PLVAP: variants seen among roughly 807,000 people sequenced by gnomAD.
The protein encoded by PLVAP is plasmalemma vesicle-associated protein.
Under a neutral mutation model 43.1 loss-of-function variants are expected in PLVAP, and 34 were observed. The observed-to-expected ratio is 0.79, with a 90% CI of 0.60 to 1.05. PLVAP has a LOEUF of 1.05. Among genes scored for constraint, PLVAP ranks in the 50% least tolerant of loss-of-function variants. The pLI is 0.00. For synonymous variants in PLVAP, 241 were observed against 237.3 expected, an observed-to-expected ratio of 1.02 and a Z score of -0.14; for missense variants, 574 against 593.4, an observed-to-expected ratio of 0.97 and a Z score of 0.34.
chr19:17,360,460 C>A (rs2145720162), intron 5 of PLVAP, 68 bp downstream of exon 5: 1 of 1,507,692 alleles, frequency 6.6e-7, no homozygotes, highest in South Asian at 1.1e-5. Flanking sequence ...TCCCTCCACC[C>A]TCAGTCCTGG....
chr19:17,354,188 G>T (rs188074683), intron 5 of PLVAP, among the ~76,000 whole-genome samples: 15 of 152,284 alleles, frequency 9.9e-5, no homozygotes, highest in Non-Finnish European at 1.8e-4. Flanking sequence ...TACTTGGGAG[G>T]CTGAGGCATG....
At chr19:17,365,199 AG>A in intron 3 of PLVAP, 86 bp downstream of exon 3, 1 of 1,286,796 alleles carries the variant, frequency 7.8e-7, no homozygotes, top group South Asian at 1.4e-5. Flanking sequence ...CCATCCTCAA[AG>A]CCAACTCCAA....
chr19:17,359,751 G>A (rs1415428742), intron 5 of PLVAP, among the ~76,000 whole-genome samples: 1 of 144,812 alleles, frequency 6.9e-6, no homozygotes. Flanking sequence ...GGAGTGCAGT[G>A]GCATGATCTC....
intron 5 of PLVAP, among the ~76,000 whole-genome samples, chr19:17,354,490 G>A (rs1040970878): frequency 2.0e-5 from 3 of 151,328 alleles, no homozygotes; most frequent in South Asian, 4.2e-4. Context: ...CCAGCTACTC[G>A]GGAGGCTGAA....
intron 5 of PLVAP, among the ~76,000 whole-genome samples, chr19:17,352,767 C>G (rs2145715979): frequency 6.6e-6 from 1 of 152,222 alleles, no homozygotes; most frequent in African/African-American, 2.4e-5. Flanking sequence ...CCCCCAGACC[C>G]CTACACTGGT....
intron 1 of PLVAP, among the ~76,000 whole-genome samples, chr19:17,367,750 C>T (rs1395548707): frequency 6.6e-6 from 1 of 152,104 alleles, no homozygotes; most frequent in Admixed American, 6.6e-5. Flanking sequence ...ACGATCTCCC[C>T]CATCAGCCTC....
rs1568371783 is a variant in PLVAP at position 17,352,340 on chromosome 19, G to A, written c.*22C>T. On this transcript the variant is annotated 3_prime_UTR_variant, in exon 6 of 6. Transcript: ENST00000252590. The stretch of plus-strand genomic sequence containing the variant: ...AAACCGCCGAGTCGGGCCATCCCTT[G>A]GTCCTCAGGCCTGGAGCCTCCTCAG... 1 of 1,613,396 alleles carries A rather than the reference G, an allele frequency of 6.2e-7. No individual in the cohort carries two copies. Among genetic ancestry groups the A allele is most frequent in the Non-Finnish European group, 8.5e-7 (1 of 1,179,532 alleles).
chr19:17,376,307 T>C (rs2074595096), intron 1 of PLVAP, among the ~76,000 whole-genome samples: 1 of 152,008 alleles, frequency 6.6e-6, no homozygotes, highest in Non-Finnish European at 1.5e-5. Context: ...CTGGGCAACA[T>C]AGTGAGACCT....
intron 1 of PLVAP, 35 bp from the exon 2 acceptor site, chr19:17,366,230 G>A (rs2074549729): frequency 1.2e-6 from 2 of 1,603,352 alleles, no homozygotes; most frequent in Non-Finnish European, 1.7e-6. Context: ...GCAGGACAGA[G>A]CTTAGTGTCT....
At chr19:17,360,372 TG>T (rs1429028937) in intron 5 of PLVAP, among the ~76,000 whole-genome samples, 155 bp downstream of exon 5, 3 of 152,310 alleles carry the variant, frequency 2.0e-5, no homozygotes, top group African/African-American at 7.2e-5. Context: ...GATACTGCTG[TG>T]TCCCTCACGC....
intron 1 of PLVAP, among the ~76,000 whole-genome samples, chr19:17,368,104 T>A (rs1477869205): frequency 1.6e-5 from 2 of 128,300 alleles, no homozygotes; most frequent in Non-Finnish European, 3.2e-5. Context: ...GGAGTTTCGC[T>A]CTTTTTGCCC....
At chr19:17,372,944 T>C (rs1325165312) in intron 1 of PLVAP, among the ~76,000 whole-genome samples, 1 of 149,658 alleles carries the variant, frequency 6.7e-6, no homozygotes, top group East Asian at 2.0e-4. Context: ...CGGGCACCTG[T>C]AGACCCAGCT....
intron 1 of PLVAP, among the ~76,000 whole-genome samples, chr19:17,376,484 C>A (rs1432900377): frequency 6.6e-6 from 1 of 151,250 alleles, no homozygotes; most frequent in Non-Finnish European, 1.5e-5. Flanking sequence ...ACATGGAGAC[C>A]CTGTCTCTTA....
chr19:17,360,914 CTTTTTTT>C (rs71336607), intron 3 of PLVAP, 82 bp from the exon 4 acceptor site: 9 of 904,630 alleles, frequency 9.9e-6, no homozygotes, highest in Admixed American at 9.2e-5. Flanking sequence ...TTTTCTTTTT[CTTTTTTT>C]TTTTTTTTTT....
chr19:17,372,852 G>A (rs1384845526), intron 1 of PLVAP, among the ~76,000 whole-genome samples: 3 of 149,714 alleles, frequency 2.0e-5, no homozygotes, highest in Non-Finnish European at 4.4e-5. Flanking sequence ...CACGAGGTCA[G>A]GAAATTGAGG....
At chr19:17,357,159 G>C (rs2074510012) in intron 5 of PLVAP, among the ~76,000 whole-genome samples, 2 of 151,406 alleles carry the variant, frequency 1.3e-5, no homozygotes, top group South Asian at 4.2e-4. Context: ...GCCAGGTGTG[G>C]TGGTACACTC....
rs2074549607 is a variant in PLVAP at position 17,366,204 on chromosome 19, A to C, written c.370-9T>G. 4 of 1,612,994 alleles carry C rather than the reference A, an allele frequency of 2.5e-6. No individual in the cohort carries two copies. The highest frequency in any genetic ancestry group is 3.3e-5 in the Admixed American group (2 of 59,910). On this transcript the variant is annotated splice_polypyrimidine_tract_variant and intron_variant, in intron 1 of 5. Coordinates refer to ENST00000252590, the MANE Select transcript of PLVAP (RefSeq NM_031310.3). ...TTGTTCGTGTAGATGACCTGCCCGG[A>C]AGATAGGGGAAGGACGCAGGACAGA...
intron 1 of PLVAP, among the ~76,000 whole-genome samples, chr19:17,367,833 T>C (rs2074556330): frequency 6.6e-6 from 1 of 152,098 alleles, no homozygotes; most frequent in Non-Finnish European, 1.5e-5. Context: ...AGGATGCTGC[T>C]ATGAGCTCAA....
At chr19:17,373,301 GCCC>G (rs2074581813) in intron 1 of PLVAP, among the ~76,000 whole-genome samples, 1 of 151,906 alleles carries the variant, frequency 6.6e-6, no homozygotes, top group Non-Finnish European at 1.5e-5. Flanking sequence ...ACGGTGCTTT[GCCC>G]CGGGGTTTTG....
Sources: allele counts gnomAD v4.1 joint callset (sites outside exome capture counted in the v4.1 genomes callset), GRCh38; gene constraint gnomAD v4.1.1; transcripts MANE v1.5; gene names NCBI Gene and HGNC (gene_info 2026-07-23, HGNC 2026-07-21).